Variants in CCDC83 observed in about 807,000 individuals in gnomAD.
The protein encoded by CCDC83 is coiled-coil domain-containing protein 83.
CCDC83 carries 54 observed loss-of-function variants against 50.1 expected under a neutral mutation model. The observed-to-expected ratio is 1.08, with a 90% CI of 0.87 to 1.35. CCDC83 has a LOEUF of 1.35. CCDC83 is among the 40% of genes most tolerant of loss of function. The pLI, the probability that CCDC83 is intolerant of heterozygous loss-of-function variation, is 0.00. For synonymous variants in CCDC83, 161 were observed against 153.3 expected (o/e 1.05, Z -0.37); for missense variants, 518 against 473.9 (o/e 1.09, Z -0.86).
At chr11:85,857,895 T>G (rs1293903800) in intron 1 of CCDC83, among the ~76,000 whole-genome samples, 1 of 152,178 alleles carries the variant, frequency 6.6e-6, no homozygotes, top group East Asian at 1.9e-4. Context: ...GGACAACATC[T>G]TTGTCACCAC....
chr11:85,907,107 T>C (rs929413997), intron 7 of CCDC83, among the ~76,000 whole-genome samples: 27 of 152,298 alleles, frequency 1.8e-4, no homozygotes, highest in Admixed American at 1.6e-3. Flanking sequence ...GGTGAAAGTT[T>C]AGAATGAGTA....
chr11:85,885,296 T>C (rs2093321566), intron 4 of CCDC83, among the ~76,000 whole-genome samples: 1 of 152,160 alleles, frequency 6.6e-6, no homozygotes, highest in Non-Finnish European at 1.5e-5. Context: ...CTGAAGAATA[T>C]CACCCTGGCC....
chr11:85,861,656 A>G (rs548076602), intron 1 of CCDC83, among the ~76,000 whole-genome samples: 1 of 152,296 alleles, frequency 6.6e-6, no homozygotes, highest in African/African-American at 2.4e-5. Flanking sequence ...CCTCCACAGA[A>G]TTAGGAAAGG....
chr11:85,857,383 G>C (rs547150214), intron 1 of CCDC83, among the ~76,000 whole-genome samples: 1 of 152,326 alleles, frequency 6.6e-6, no homozygotes, highest in African/African-American at 2.4e-5. Context: ...CCAGTTGTAC[G>C]CCTGGAAGGG....
chr11:85,893,274 C>A lies in CCDC83; in HGVS notation c.512-2019C>A, dbSNP rs557768693. ...ATGGAAGAGAAGTTTTTACTTTCTG[C>A]TCTCAGCGTTTTCATCTAATGGGAG... On this transcript the variant is annotated intron_variant, in intron 5 of 10. Coordinates refer to ENST00000342404, the MANE Select transcript of CCDC83 (RefSeq NM_001286159.2). Among the ~76,000 whole-genome samples the A allele has an allele frequency of 9.2e-5, 14 of 152,302 alleles. No individual in the cohort carries two copies. In the South Asian group the frequency reaches 1.5e-3, roughly 16 times the overall value.
chr11:85,897,764 A>T (rs2093381877), intron 6 of CCDC83, among the ~76,000 whole-genome samples: 1 of 152,248 alleles, frequency 6.6e-6, no homozygotes, highest in South Asian at 2.1e-4. Context: ...TTGTAACTGG[A>T]GTATAAAAAT....
intron 10 of CCDC83, among the ~76,000 whole-genome samples, chr11:85,917,246 G>A (rs1006554474): frequency 7.1e-5 from 10 of 140,056 alleles, no homozygotes; most frequent in Non-Finnish European, 1.1e-4. Context: ...AAAGAAAGAG[G>A]GAAGGAGGAA....
chr11:85,887,603 T>G (rs1025774350), intron 5 of CCDC83, among the ~76,000 whole-genome samples: 1 of 152,056 alleles, frequency 6.6e-6, no homozygotes, highest in Non-Finnish European at 1.5e-5. Context: ...CTGTCCGCAC[T>G]CAAATCCTCT....
intron 1 of CCDC83, among the ~76,000 whole-genome samples, chr11:85,862,225 T>C (rs1235986708): frequency 3.9e-5 from 6 of 152,102 alleles, no homozygotes; most frequent in African/African-American, 1.4e-4. Flanking sequence ...GAAATATTTA[T>C]TGCAAGATTT....
At chr11:85,893,994 A>C (rs112846524) in intron 5 of CCDC83, among the ~76,000 whole-genome samples, 12 of 152,258 alleles carry the variant, frequency 7.9e-5, no homozygotes, top group African/African-American at 2.9e-4. Context: ...ATAATGTAGA[A>C]TCAGGGCTCC....
At chr11:85,912,741 G>A (rs557126339) in intron 8 of CCDC83, 9 of 1,586,914 alleles carry the variant, frequency 5.7e-6, no homozygotes, top group Middle Eastern at 1.7e-4. Flanking sequence ...AGGCGTTGCT[G>A]GTATGTGGCT....
chr11:85,891,364 C>A (rs1285285178), intron 5 of CCDC83, among the ~76,000 whole-genome samples: 1 of 152,188 alleles, frequency 6.6e-6, no homozygotes, highest in Non-Finnish European at 1.5e-5. Flanking sequence ...ACACTTAGAG[C>A]TGCTTCCCTG....
At chr11:85,911,463 G>GT (rs2093453946) in intron 8 of CCDC83, 61 bp downstream of exon 8, 8 of 1,415,644 alleles carry the variant, frequency 5.7e-6, no homozygotes, top group South Asian at 4.6e-5. Context: ...GTAAAAAGTT[G>GT]TTTTTTTAAA....
At chr11:85,902,076 A>G (rs1440949817) in intron 7 of CCDC83, among the ~76,000 whole-genome samples, 1 of 151,796 alleles carries the variant, frequency 6.6e-6, no homozygotes, top group Non-Finnish European at 1.5e-5. Context: ...GGAATCATCA[A>G]TGAAATAATA....
intron 2 of CCDC83, among the ~76,000 whole-genome samples, chr11:85,869,769 A>G (rs2093227184): frequency 6.6e-6 from 1 of 152,248 alleles, no homozygotes; most frequent in African/African-American, 2.4e-5. Context: ...AAAGTGTATA[A>G]GGAACAATGA....
intron 3 of CCDC83, among the ~76,000 whole-genome samples, chr11:85,874,643 C>T (rs1374530964): frequency 6.6e-6 from 1 of 152,200 alleles, no homozygotes; most frequent in Non-Finnish European, 1.5e-5. Context: ...CCTCAAAGTA[C>T]ATTTTCCACA....
At chr11:85,889,681 T>C (rs17744711) in intron 5 of CCDC83, among the ~76,000 whole-genome samples, 21,752 of 152,136 alleles carry the variant, frequency 0.14, 1,878 homozygotes, top group Middle Eastern at 0.2. Context: ...CTTTTTCTCC[T>C]ACCTTCTACA....
At position 85,876,081 on chromosome 11, in the gene CCDC83, T is replaced by C. The variant is rs531533831; in HGVS notation, c.180+2786T>C. Among the ~76,000 whole-genome samples the C allele has an allele frequency of 2.6e-5, 4 of 152,306 alleles. No individual in the cohort carries two copies. The South Asian group carries it at 8.3e-4, about 32-fold the overall frequency. ...CTTTATCTTAAAACCCTTTTCTCCTTTGGGTTCCAGGACCTCACTGCAACT... is the reference window on the plus strand; with the variant it reads ...CTTTATCTTAAAACCCTTTTCTCCTCTGGGTTCCAGGACCTCACTGCAACT... On this transcript the variant is annotated intron_variant, in intron 3 of 10. Transcript: ENST00000342404.
intron 4 of CCDC83, among the ~76,000 whole-genome samples, chr11:85,884,140 T>A (rs190661213): frequency 3.4e-4 from 52 of 152,220 alleles, no homozygotes; most frequent in Non-Finnish European, 5.4e-4. Flanking sequence ...GGGCTGAGCA[T>A]GGGGATGTGT....
Sources: gnomAD v4.1 joint callset for allele counts (sites outside exome capture counted in the v4.1 genomes callset) on GRCh38, gnomAD v4.1.1 for gene constraint, MANE v1.5 for transcripts, NCBI Gene and HGNC (gene_info 2026-07-23, HGNC 2026-07-21) for gene names.